The following BRD8 variants were observed in gnomAD, a reference collection of about 807,000 sequenced individuals.
The protein encoded by BRD8 is bromodomain-containing protein 8.
BRD8 carries 67 observed loss-of-function variants against 143.1 expected under a neutral mutation model. The ratio of observed to expected loss-of-function variants is 0.47; its 90% CI spans 0.38 to 0.57. The LOEUF is 0.57. Among genes scored for constraint, BRD8 ranks in the 20% least tolerant of loss-of-function variants. BRD8 has a pLI of 0.00. For missense variants in BRD8, 1,103 were observed against 1,503.0 expected (o/e 0.73, Z 4.40); for synonymous variants, 505 against 517.1 (o/e 0.98, Z 0.32).
chr5:138,171,310 A>G lies in BRD8; in HGVS notation c.236+51T>C, dbSNP rs1165027593. The stretch of plus-strand genomic sequence containing the variant: ...TAAGTATAAACCAGAATTCCTCAGT[A>G]AATACTCTCCACTAAAGAAATATGG... On this transcript the variant is annotated intron_variant, in intron 4 of 26. Coordinates refer to ENST00000254900, the MANE Select transcript of BRD8 (RefSeq NM_139199.2). 4.0e-6 allele frequency: 6 copies of G among 1,486,418 alleles called. No individual in the cohort carries two copies. The Admixed American group carries it at 1.0e-4, about 26-fold the overall frequency. The allele number at this position is 1,486,418 out of a possible 1,614,324, so 92.1% of individuals were successfully genotyped here. A position where few individuals can be genotyped will look rare whatever the true frequency, so the allele number is the denominator to read the frequency against.
chr5:138,163,204 G>A lies in BRD8; in HGVS notation c.2013C>T (p.Phe671=). ...ACTGCAGTGTAGCATTGTGTATGCTGAAGCCATCATCACTCTCGCTCACAG... is the reference window on the plus strand; with the variant it reads ...ACTGCAGTGTAGCATTGTGTATGCTAAAGCCATCATCACTCTCGCTCACAG... ...EPPVSESDDG[F]SIHNATLQSH... Residue 671 remains phenylalanine, a synonymous_variant, in exon 15 of 27, where the codon TTC becomes TTT. Transcript: ENST00000254900. The A allele has an allele frequency of 6.2e-7, 1 of 1,614,088 alleles. No individual in the cohort carries two copies. Among genetic ancestry groups the A allele is most frequent in the African/African-American group, 1.3e-5 (1 of 74,988 alleles).
At chr5:138,150,684 C>T (rs1201243715) in intron 22 of BRD8, 61 bp downstream of exon 22, 13 of 1,528,494 alleles carry the variant, frequency 8.5e-6, no homozygotes, top group Non-Finnish European at 1.1e-5. Flanking sequence ...GCTCTAACTA[C>T]TCTGTTCTGC....
chr5:138,143,277 C>T (rs1034153508), intron 25 of BRD8, among the ~76,000 whole-genome samples: 6 of 151,910 alleles, frequency 3.9e-5, no homozygotes, highest in Non-Finnish European at 8.8e-5. Flanking sequence ...AGAGTGAGAC[C>T]TGTCTCAAAA....
At chr5:138,159,416 T>C (rs1420960865) in intron 20 of BRD8, 139 bp downstream of exon 20, 1 of 874,550 alleles carries the variant, frequency 1.1e-6, no homozygotes, top group Admixed American at 2.2e-5. Flanking sequence ...GAAAAGAGTT[T>C]CTTATTCAAT....
Position 138,172,130 on chromosome 5 carries a change from A to C in BRD8, c.121T>G (p.Ser41Ala). ...AAGGGCTTGATTGCTCTGCTAACTG[A>C]TACCCTACAAAATGAGGAAAGCTTT... ...VMRSGDQNWV[S>A]VSRAIKPFAE... The change falls in exon 3 of 27, where the codon TCA (serine) becomes GCA (alanine). Residue 41 changes from serine (S) to alanine (A), a missense_variant. Physicochemically the swap from Ser to Ala is moderately conservative, Grantham distance 99. Coordinates refer to ENST00000254900, the MANE Select transcript of BRD8 (RefSeq NM_139199.2). 1 of 1,612,780 alleles carries C rather than the reference A, an allele frequency of 6.2e-7. No individual in the cohort carries two copies. Among genetic ancestry groups the C allele is most frequent in the Non-Finnish European group, 8.5e-7 (1 of 1,179,318 alleles).
intron 2 of BRD8, among the ~76,000 whole-genome samples, chr5:138,174,030 T>C (rs770711835): frequency 6.6e-6 from 1 of 152,158 alleles, no homozygotes; most frequent in Non-Finnish European, 1.5e-5. Context: ...ATTCCACATA[T>C]AACTGAGATC....
intron 24 of BRD8, among the ~76,000 whole-genome samples, chr5:138,145,514 C>G (rs1752113667): frequency 6.6e-6 from 1 of 152,106 alleles, no homozygotes; most frequent in Non-Finnish European, 1.5e-5. Flanking sequence ...GAGAATCCAC[C>G]AGATTGAAAA....
At chr5:138,159,279 C>A (rs1420385155) in intron 20 of BRD8, among the ~76,000 whole-genome samples, 2 of 152,030 alleles carry the variant, frequency 1.3e-5, no homozygotes, top group South Asian at 2.1e-4. Context: ...AAGGTGAAGT[C>A]AGGAAATGAC....
At chr5:138,144,674 G>A (rs888713622) in intron 25 of BRD8, among the ~76,000 whole-genome samples, 1 of 152,142 alleles carries the variant, frequency 6.6e-6, no homozygotes, top group Non-Finnish European at 1.5e-5. Context: ...GGCCTAGGCA[G>A]GTGGATTGCT....
rs189354394 is a variant in BRD8, at chr5:138,172,402, A to G, written c.117-268T>C. Among the ~76,000 whole-genome samples the G allele has an allele frequency of 1.7e-4, 25 of 151,212 alleles. No homozygotes were observed. The East Asian group carries it at 4.7e-3, about 29-fold the overall frequency. ...GTTGGGCATGGTGGCATGCACCTGT[A>G]GTCCCAGCTACTCGGGAGGCTGAGG... On this transcript the variant is annotated intron_variant, in intron 2 of 26. Transcript: ENST00000254900.
At chr5:138,146,771 A>G (rs1752168552) in intron 23 of BRD8, among the ~76,000 whole-genome samples, 1 of 151,596 alleles carries the variant, frequency 6.6e-6, no homozygotes, top group South Asian at 2.1e-4. Flanking sequence ...GATTGAGACC[A>G]TCCTGGCTAA....
intron 20 of BRD8, chr5:138,157,006 C>A (rs970458283): frequency 1.4e-6 from 2 of 1,420,296 alleles, no homozygotes; most frequent in African/African-American, 1.4e-5. Context: ...CACATTAGGA[C>A]ATTAACATAG....
chr5:138,173,481 T>A (rs1754057440), intron 2 of BRD8, among the ~76,000 whole-genome samples: 1 of 152,220 alleles, frequency 6.6e-6, no homozygotes, highest in Admixed American at 6.5e-5. Context: ...CAAACCAGTT[T>A]ACCTGTTTTG....
At chr5:138,156,915 C>A in intron 20 of BRD8, 1 of 1,190,496 alleles carries the variant, frequency 8.4e-7, no homozygotes, top group Non-Finnish European at 1.0e-6. Context: ...TGTATACACA[C>A]ACATTTCACT....
At chr5:138,146,969 CA>C (rs60597015) in intron 23 of BRD8, among the ~76,000 whole-genome samples, 6,953 of 49,146 alleles carry the variant, frequency 0.14, 142 homozygotes, top group African/African-American at 0.22. Flanking sequence ...AACTCCGTCT[CA>C]AAAAAAAAAA....
At chr5:138,141,206 T>C (rs1751893744) in intron 25 of BRD8, among the ~76,000 whole-genome samples, 1 of 152,066 alleles carries the variant, frequency 6.6e-6, no homozygotes, top group Non-Finnish European at 1.5e-5. Context: ...CTCAGCTCAC[T>C]GCAACTTCCA....
At chr5:138,164,249 TG>T (rs1753224753) in intron 13 of BRD8, 70 bp downstream of exon 13, 2 of 1,581,558 alleles carry the variant, frequency 1.3e-6, no homozygotes, top group Admixed American at 3.3e-5. Context: ...CTCCTCTACT[TG>T]CCCACAACCC....
intron 11 of BRD8, 84 bp downstream of exon 11, chr5:138,165,744 A>G (rs1409143026): frequency 4.5e-6 from 6 of 1,330,172 alleles, no homozygotes; most frequent in African/African-American, 3.0e-5. Flanking sequence ...AAAAAAAAAA[A>G]GCAGCAGCAG....
intron 15 of BRD8, 140 bp from the exon 16 acceptor site, chr5:138,162,286 C>T (rs1317637497): frequency 1.2e-5 from 8 of 640,404 alleles, no homozygotes; most frequent in Non-Finnish European, 1.9e-5. Flanking sequence ...GCACCCTCAA[C>T]CTCCCAGACT....
Sources: gnomAD v4.1 joint callset for allele counts (sites outside exome capture counted in the v4.1 genomes callset) on GRCh38, gnomAD v4.1.1 for gene constraint, MANE v1.5 for transcripts, NCBI Gene and HGNC (gene_info 2026-07-23, HGNC 2026-07-21) for gene names.